Variants in PANK4 observed in about 807,000 individuals in gnomAD.
PANK4 encodes the protein pantothenate kinase 4 (inactive), also known as 4'-phosphopantetheine phosphatase.
PANK4 carries 40 observed loss-of-function variants against 87.9 expected under a neutral mutation model. The ratio of observed to expected loss-of-function variants is 0.46; its 90% CI spans 0.35 to 0.59. PANK4 has a LOEUF of 0.59. PANK4 is among the 20% of genes least tolerant of loss of function. PANK4 has a pLI of 0.00. For missense variants in PANK4, 926 were observed against 1,072.3 expected, an observed-to-expected ratio of 0.86 and a Z score of 1.90; for synonymous variants, 524 against 467.4, an observed-to-expected ratio of 1.12 and a Z score of -1.56.
In PANK4 at chr1:2,509,246, C is replaced by A. The variant is rs1317140760; in HGVS notation, c.2109-186G>T. Among the ~76,000 whole-genome samples the A allele has an allele frequency of 2.0e-5, 3 of 152,180 alleles. No homozygotes were observed. Among genetic ancestry groups the A allele is most frequent in the Non-Finnish European group, 4.4e-5 (3 of 68,022 alleles). Reference sequence around the variant, plus strand: ...GGCTTCCTCAGAGCAGCAGCTCACACAGGGCCAGAGCAGCTGCAGCTTGGA... The same window carrying A: ...GGCTTCCTCAGAGCAGCAGCTCACAAAGGGCCAGAGCAGCTGCAGCTTGGA... On this transcript the variant is annotated intron_variant, in intron 18 of 18. Transcript: ENST00000378466. This position sits in a 1 kb window ranked among gnomAD's most constrained non-coding sequence, Gnocchi z 4.9.
At position 2,520,067 on chromosome 1, in the gene PANK4, C is replaced by CACGCGA; in HGVS notation, c.700-114_700-113insTCGCGT. The CACGCGA allele has an allele frequency of 9.5e-7, 1 of 1,055,156 alleles. No homozygotes were observed. Among genetic ancestry groups the CACGCGA allele is most frequent in the Non-Finnish European group, 1.3e-6 (1 of 742,474 alleles). The allele number at this position is 1,055,156 out of a possible 1,614,324, so 65.4% of individuals were successfully genotyped here. Reference sequence around the variant, plus strand: ...CGCGCGGGCAGGGGGTAAATGGGCCCTCATCGCGTGGGACCAAAGGCAGGA... The same window carrying CACGCGA: ...CGCGCGGGCAGGGGGTAAATGGGCCCACGCGATCATCGCGTGGGACCAAAGGCAGGA... On this transcript the variant is annotated intron_variant, in intron 5 of 18. Coordinates refer to ENST00000378466, the MANE Select transcript of PANK4 (RefSeq NM_018216.4). The surrounding 1 kb of genome is among the most constrained non-coding windows in gnomAD (Gnocchi z 6.2).
In PANK4 at chr1:2,519,767, C is replaced by A. The variant is rs1052788612; in HGVS notation, c.853+34G>T. On this transcript the variant is annotated intron_variant, in intron 6 of 18. Coordinates refer to ENST00000378466, the MANE Select transcript of PANK4 (RefSeq NM_018216.4). This position sits in a 1 kb window ranked among gnomAD's most constrained non-coding sequence, Gnocchi z 8.3. ...GTGAGACCCCAAGTGTCCCCACCAT[C>A]CTGCTCTCTGGCGGCAGAGGCCGGG... 5 of 1,541,118 alleles carry A rather than the reference C, an allele frequency of 3.2e-6. No individual in the cohort carries two copies. The highest frequency in any genetic ancestry group is 3.4e-4 in the Middle Eastern group (2 of 5,938).
rs565844704 is a variant in PANK4 at position 2,509,130 on chromosome 1, G to C, written c.2109-70C>G. On this transcript the variant is annotated intron_variant, in intron 18 of 18. Coordinates refer to ENST00000378466, the MANE Select transcript of PANK4 (RefSeq NM_018216.4). This position sits in a 1 kb window ranked among gnomAD's most constrained non-coding sequence, Gnocchi z 4.9. ...GACCCCACTTCCCATACAGTGCGGC[G>C]ACCAACGTGAAGGCTGAAACCCCTA... 2.0e-5 allele frequency: 24 copies of C among 1,230,118 alleles called. No individual in the cohort carries two copies. The highest frequency in any genetic ancestry group is 2.4e-5 in the Non-Finnish European group (21 of 876,142). The allele number at this position is 1,230,118 out of a possible 1,614,324, so 76.2% of individuals were successfully genotyped here.
Position 2,508,822 on chromosome 1 carries a change from A to AG in PANK4, c.*24dup. On this transcript the variant is annotated 3_prime_UTR_variant, in exon 19 of 19. Coordinates refer to ENST00000378466, the MANE Select transcript of PANK4 (RefSeq NM_018216.4). This position sits in a 1 kb window ranked among gnomAD's most constrained non-coding sequence, Gnocchi z 5.1. The stretch of plus-strand genomic sequence containing the variant: ...AACACATTCCTGACAAGTGACAAGC[A>AG]GAAGAGTCCGGCAGCTGCAGCGCCT... The AG allele has an allele frequency of 1.5e-6, 2 of 1,367,508 alleles. No individual in the cohort carries two copies. Among genetic ancestry groups the AG allele is most frequent in the Non-Finnish European group, 2.1e-6 (2 of 969,090 alleles). The allele number at this position is 1,367,508 out of a possible 1,614,324, so 84.7% of individuals were successfully genotyped here.
chr1:2,516,066 A>C (rs1643768388), intron 9 of PANK4: 25 of 299,584 alleles, frequency 8.3e-5, no homozygotes, highest in South Asian at 1.3e-4. Context: ...CCCCATCACC[A>C]CCTCCCTGCA....
At chr1:2,522,791 C>T (rs11582711) in intron 1 of PANK4, among the ~76,000 whole-genome samples, 963 of 4,342 alleles carry the variant, frequency 0.22, no homozygotes, top group South Asian at 0.3. Context: ...CCGTATGGTG[C>T]TATAGTGACT....
Position 2,509,460 on chromosome 1 carries a change from CAGG to C in PANK4, c.2108+399_2108+401del, listed in dbSNP as rs1272513127. Among the ~76,000 whole-genome samples the C allele has an allele frequency of 1.3e-5, 2 of 152,170 alleles. No homozygotes were observed. Among genetic ancestry groups the C allele is most frequent in the Non-Finnish European group, 2.9e-5 (2 of 68,032 alleles). ...AAGGGGTTCCTTCCTCCTCTGCAAT[CAGG>C]AGGACAGACAGCACCACATACAATT... On this transcript the variant is annotated intron_variant, in intron 18 of 18. Coordinates refer to ENST00000378466, the MANE Select transcript of PANK4 (RefSeq NM_018216.4). This position sits in a 1 kb window ranked among gnomAD's most constrained non-coding sequence, Gnocchi z 4.9.
chr1:2,519,566 A>G lies in PANK4; in HGVS notation c.853+235T>C, dbSNP rs1389764731. 6.6e-6 allele frequency among the ~76,000 whole-genome samples: 1 copy of G among 152,202 alleles called. No homozygotes were observed. Among genetic ancestry groups the G allele is most frequent in the Non-Finnish European group, 1.5e-5 (1 of 68,036 alleles). ...TTGTTTTGAAGGAGGAAAAAACCCA[A>G]TCAGGAAACTATTTTTTCTTCCAAA... On this transcript the variant is annotated intron_variant, in intron 6 of 18. Transcript: ENST00000378466. This position sits in a 1 kb window ranked among gnomAD's most constrained non-coding sequence, Gnocchi z 8.3.
chr1:2,511,163 G>A (rs975502509), intron 15 of PANK4, among the ~76,000 whole-genome samples, 175 bp downstream of exon 15: 6 of 152,196 alleles, frequency 3.9e-5, no homozygotes, highest in Admixed American at 1.3e-4. Flanking sequence ...AAGCAGTCAC[G>A]ACAGGAGGGC....
At position 2,520,474 on chromosome 1, in the gene PANK4, G is replaced by GCC; in HGVS notation, c.607-62_607-61dup. The GCC allele has an allele frequency of 8.3e-7, 1 of 1,209,124 alleles. No individual in the cohort carries two copies. Among genetic ancestry groups the GCC allele is most frequent in the Non-Finnish European group, 1.1e-6 (1 of 899,718 alleles). 74.9% of individuals were successfully genotyped at this position (1,209,124 alleles called of 1,614,324 possible). A position where few individuals can be genotyped will look rare whatever the true frequency, so the allele number is the denominator to read the frequency against. On this transcript the variant is annotated intron_variant, in intron 4 of 18. Transcript: ENST00000378466. This position sits in a 1 kb window ranked among gnomAD's most constrained non-coding sequence, Gnocchi z 6.2. The stretch of plus-strand genomic sequence containing the variant: ...GGCCCTCAGCCACACAGGCTCCCCC[G>GCC]CCCCCCGCCCCATGTGCTGCGCTGG...
At chr1:2,525,887 C>CA (rs1378584552) in intron 1 of PANK4, 1 of 152,270 alleles carries the variant, frequency 6.6e-6, no homozygotes, top group Non-Finnish European at 1.5e-5. Context: ...CGCCTGAACT[C>CA]ACGCCCGGCG....
rs757604804 is a variant in PANK4, at chr1:2,511,673, A to G, written c.1738T>C (p.Ser580Pro). Residue 580 changes from serine (S) to proline (P), a missense_variant, in exon 14 of 19, where the codon TCC becomes CCC. Coordinates refer to ENST00000378466, the MANE Select transcript of PANK4 (RefSeq NM_018216.4). ...TCTTCAAACCCAAAGTAGGGGTCGG[A>G]TTCAAGGACACTGCATGGAGGAGGA... ...GAKAVSAVLE[S>P]DPYFGFEEAK... 2 of 1,605,494 alleles carry G rather than the reference A, an allele frequency of 1.2e-6. No homozygotes were observed. Among genetic ancestry groups the G allele is most frequent in the Non-Finnish European group, 8.5e-7 (1 of 1,172,474 alleles).
At chr1:2,518,381 A>G (rs911069249) in intron 8 of PANK4, 117 bp from the exon 9 acceptor site, 19 of 960,356 alleles carry the variant, frequency 2.0e-5, no homozygotes, top group East Asian at 5.2e-5. Context: ...AATGTTAGAC[A>G]TGCCTGCTGC....
Position 2,510,935 on chromosome 1 carries a change from G to A in PANK4, c.1834-153C>T, listed in dbSNP as rs7543665. 0.31 allele frequency among the ~76,000 whole-genome samples: 46,574 copies of A among 151,830 alleles called. 8,148 individuals carry two copies. Among genetic ancestry groups the A allele is most frequent in the African/African-American group, 0.46 (19,208 of 41,396 alleles). ...AGGGATGGGCTGTCCTGCAGGGGCC[G>A]AGACCAGGGGCTTCAGGGCCCCAGA... is the stretch of plus-strand genomic sequence containing the variant. On this transcript the variant is annotated intron_variant, in intron 15 of 18. Transcript: ENST00000378466. This position sits in a 1 kb window ranked among gnomAD's most constrained non-coding sequence, Gnocchi z 4.9.
In PANK4 at chr1:2,526,474, G is replaced by C. The variant is rs755394505; in HGVS notation, c.114C>G (p.Ala38=). 1.3e-6 allele frequency: 2 copies of C among 1,556,568 alleles called. No homozygotes were observed. Among genetic ancestry groups the C allele is most frequent in the Admixed American group, 1.9e-5 (1 of 52,908 alleles). The change falls in exon 1 of 19, where the codon GCC becomes GCG. Residue 38 remains alanine, a synonymous_variant. Transcript: ENST00000378466. ...FRNLENAKRF[A]IDIGGSLTKL... is the part of the protein sequence containing the mutation. ...CCGGCCTGCGGCTACCTATGTCGAT[G>C]GCGAAGCGCTTGGCGTTCTCCAGGT...
intron 10 of PANK4, among the ~76,000 whole-genome samples, chr1:2,514,935 C>T (rs1643740141): frequency 6.6e-6 from 1 of 151,982 alleles, no homozygotes; most frequent in African/African-American, 2.4e-5. Flanking sequence ...GTGCCGGGGA[C>T]GAGGGGCTCT....
chr1:2,513,799 T>G (rs897503684), intron 12 of PANK4, among the ~76,000 whole-genome samples: 4 of 152,140 alleles, frequency 2.6e-5, no homozygotes, highest in African/African-American at 9.7e-5. Context: ...CCAGCATCTG[T>G]GGGGGTAACA....
Position 2,515,169 on chromosome 1 carries a change from A to T in PANK4, c.1374+393T>A. On this transcript the variant is annotated intron_variant, in intron 10 of 18. Transcript: ENST00000378466. The surrounding 1 kb of genome is among the most constrained non-coding windows in gnomAD (Gnocchi z 5.0). The stretch of plus-strand genomic sequence containing the variant: ...GAGAAGGTGGGACGCAGGAGTCCCA[A>T]GGTGGCCTCGCCGGGAGCTTGCTGG... The T allele has an allele frequency of 7.6e-6, 3 of 395,594 alleles. No individual in the cohort carries two copies. Among genetic ancestry groups the T allele is most frequent in the Non-Finnish European group, 1.5e-5 (3 of 198,860 alleles). 24.5% of individuals were successfully genotyped at this position (395,594 alleles called of 1,614,324 possible). A position where few individuals can be genotyped will look rare whatever the true frequency, so the allele number is the denominator to read the frequency against.
Position 2,518,505 on chromosome 1 carries a change from C to T in PANK4, c.1117+11G>A. 1 of 1,555,402 alleles carries T rather than the reference C, an allele frequency of 6.4e-7. No individual in the cohort carries two copies. ...CCCACGCTGCTCAGGGGCGCCAGCA[C>T]CGCGACTCACTGTCCTGCTCAGCTC... On this transcript the variant is annotated intron_variant, in intron 8 of 18. Coordinates refer to ENST00000378466, the MANE Select transcript of PANK4 (RefSeq NM_018216.4).
Sources: gnomAD v4.1 joint callset for allele counts (sites outside exome capture counted in the v4.1 genomes callset) on GRCh38, gnomAD v4.1.1 for gene constraint, Gnocchi (gnomAD v3.1) non-coding constraint, MANE v1.5 for transcripts, NCBI Gene and HGNC (gene_info 2026-07-23, HGNC 2026-07-21) for gene names.